Variants in DESI2 observed in about 807,000 individuals in gnomAD.
DESI2 encodes desumoylating isopeptidase 2, also known as deubiquitinase DESI2.
DESI2 carries 10 observed loss-of-function variants against 24.1 expected under a neutral mutation model. The ratio of observed to expected loss-of-function variants is 0.41; its 90% CI spans 0.26 to 0.70. The LOEUF (loss-of-function observed/expected upper bound fraction) is 0.70. Among genes scored for constraint, DESI2 ranks in the 30% least tolerant of loss-of-function variants. The probability of loss-of-function intolerance (pLI) is 0.29; values close to 1 mark genes in which losing one functional copy is unlikely to be tolerated. For synonymous variants in DESI2, 71 were observed against 87.7 expected (o/e 0.81, Z 1.06); for missense variants, 122 against 234.9 (o/e 0.52, Z 3.14).
intron 1 of DESI2, among the ~76,000 whole-genome samples, chr1:244,661,496 G>C (rs932313493): frequency 3.9e-5 from 6 of 151,964 alleles, no homozygotes; most frequent in Non-Finnish European, 7.4e-5. Context: ...TGCCGTGTTG[G>C]TGTGCTGCAC....
chr1:244,689,517 CT>C lies in DESI2; in HGVS notation c.209+185del, dbSNP rs35130686. ...TGCCTCAGGAAACTCATTTCTTTTC[CT>C]TTTTTTTTTGAGATGGAGTCTCACT... On this transcript the variant is annotated intron_variant, in intron 3 of 4. Transcript: ENST00000302550. The surrounding 1 kb of genome is among the most constrained non-coding windows in gnomAD (Gnocchi z 4.0). Among the ~76,000 whole-genome samples the C allele has an allele frequency of 1.9e-4, 29 of 148,998 alleles. No homozygotes were observed. In the East Asian group the frequency reaches 4.3e-3, roughly 22 times the overall value.
rs1333687725 is a variant in DESI2 at position 244,676,245 on chromosome 1, T to G, written c.43-10352T>G. 2.0e-5 allele frequency among the ~76,000 whole-genome samples: 3 copies of G among 151,850 alleles called. No homozygotes were observed. In the South Asian group the frequency reaches 6.2e-4, roughly 32 times the overall value. Reference sequence around the variant, plus strand: ...GTGCCTGCCACCACACCCGGCTCATTTTTTGTATTTTCAGTAGAGACAGGG... The same window carrying G: ...GTGCCTGCCACCACACCCGGCTCATGTTTTGTATTTTCAGTAGAGACAGGG... On this transcript the variant is annotated intron_variant, in intron 1 of 4. Transcript: ENST00000302550.
At chr1:244,676,870 A>G (rs1191969033) in intron 1 of DESI2, among the ~76,000 whole-genome samples, 2 of 146,820 alleles carry the variant, frequency 1.4e-5, no homozygotes, top group African/African-American at 5.0e-5. Context: ...TTCTTTGTCT[A>G]TTGGGATGAT....
chr1:244,694,057 A>C (rs1007957781), intron 4 of DESI2, among the ~76,000 whole-genome samples: 5 of 152,238 alleles, frequency 3.3e-5, no homozygotes, highest in African/African-American at 1.2e-4. Flanking sequence ...CGTATGTCAT[A>C]AGCAGTTGCA....
chr1:244,686,677 TAC>T lies in DESI2; in HGVS notation c.115+14_115+15del, dbSNP rs769333378. The T allele has an allele frequency of 1.3e-6, 2 of 1,565,338 alleles. No homozygotes were observed. Among genetic ancestry groups the T allele is most frequent in the Non-Finnish European group, 1.8e-6 (2 of 1,135,616 alleles). Reference sequence around the variant, plus strand: ...TTGAAGTCTATGGCAGAGGTACGTGTACACACAGTCTAAATATACTCTCTGAA... The same window carrying T: ...TTGAAGTCTATGGCAGAGGTACGTGTACACAGTCTAAATATACTCTCTGAA... On this transcript the variant is annotated intron_variant, in intron 2 of 4. Coordinates refer to ENST00000302550, the MANE Select transcript of DESI2 (RefSeq NM_016076.5).
intron 1 of DESI2, among the ~76,000 whole-genome samples, chr1:244,659,499 C>T (rs1315514154): frequency 1.3e-5 from 2 of 152,134 alleles, no homozygotes; most frequent in Non-Finnish European, 2.9e-5. Flanking sequence ...CCATTCCTTC[C>T]TGCTGTCAGC....
intron 1 of DESI2, among the ~76,000 whole-genome samples, chr1:244,659,282 G>A (rs1001778768): frequency 5.9e-5 from 9 of 152,090 alleles, no homozygotes; most frequent in Non-Finnish European, 1.2e-4. Flanking sequence ...GCAATAACAA[G>A]TTGCCAAAAA....
At chr1:244,685,635 G>C (rs895516138) in intron 1 of DESI2, among the ~76,000 whole-genome samples, 4 of 152,116 alleles carry the variant, frequency 2.6e-5, no homozygotes, top group South Asian at 2.1e-4. Flanking sequence ...CCAGCAATGC[G>C]TGAGAATGTG....
intron 1 of DESI2, among the ~76,000 whole-genome samples, chr1:244,654,515 G>C (rs1675579808): frequency 6.6e-6 from 1 of 152,154 alleles, no homozygotes; most frequent in African/African-American, 2.4e-5. Context: ...GAAGGGTGTA[G>C]GAACTGCCTG....
intron 4 of DESI2, among the ~76,000 whole-genome samples, chr1:244,700,100 C>T (rs1677387117): frequency 1.3e-5 from 2 of 152,216 alleles, no homozygotes; most frequent in African/African-American, 4.8e-5. Context: ...TTTTCCTCTA[C>T]ACTTTACCCC....
intron 2 of DESI2, among the ~76,000 whole-genome samples, chr1:244,688,177 A>G (rs1168393676): frequency 1.3e-5 from 2 of 152,188 alleles, no homozygotes; most frequent in Non-Finnish European, 2.9e-5. Flanking sequence ...AAATATTAAT[A>G]TATTCCTGAA....
chr1:244,668,511 A>G (rs540826804), intron 1 of DESI2, among the ~76,000 whole-genome samples: 8 of 152,238 alleles, frequency 5.3e-5, no homozygotes, highest in South Asian at 2.1e-4. Flanking sequence ...AATTCACTCA[A>G]CCTCTAACAT....
chr1:244,668,119 G>A (rs1676111662), intron 1 of DESI2, among the ~76,000 whole-genome samples: 1 of 152,200 alleles, frequency 6.6e-6, no homozygotes, highest in Non-Finnish European at 1.5e-5. Flanking sequence ...CAAGGATTGT[G>A]AATTAATCAT....
At chr1:244,683,371 G>C (rs1676689491) in intron 1 of DESI2, among the ~76,000 whole-genome samples, 1 of 151,884 alleles carries the variant, frequency 6.6e-6, no homozygotes, top group Admixed American at 6.6e-5. Context: ...GAGTGCAGTG[G>C]CGTGATCTCG....
intron 4 of DESI2, among the ~76,000 whole-genome samples, chr1:244,703,046 G>C (rs1197386488): frequency 9.2e-5 from 13 of 140,872 alleles, no homozygotes; most frequent in Non-Finnish European, 1.9e-4. Context: ...CTGTCACCCA[G>C]GCTGGAGTGC....
chr1:244,660,387 C>T lies in DESI2; in HGVS notation c.42+7032C>T, dbSNP rs371384534. 1.1e-3 allele frequency among the ~76,000 whole-genome samples: 166 copies of T among 152,296 alleles called. 2 individuals are homozygous for T. Among genetic ancestry groups the T allele is most frequent in the African/African-American group, 3.8e-3 (156 of 41,562 alleles). ...TTCACCATGTTGGCCACACTGGTCT[C>T]AGTCTCCTGACCTCATGATCCACCT... On this transcript the variant is annotated intron_variant, in intron 1 of 4. Coordinates refer to ENST00000302550, the MANE Select transcript of DESI2 (RefSeq NM_016076.5).
chr1:244,688,056 G>C (rs763381021), intron 2 of DESI2, among the ~76,000 whole-genome samples: 3 of 152,152 alleles, frequency 2.0e-5, no homozygotes, highest in Non-Finnish European at 4.4e-5. Context: ...TTGTATGCTA[G>C]TCCGTGGCTC....
rs1018234427 is a variant in DESI2 at position 244,708,715 on chromosome 1, T to G, written c.*2926T>G. ...TCTTTCTTTAAAAGATTTAGATGTT[T>G]TTTCAGCAAGCTAGCCATACAACCA... On this transcript the variant is annotated 3_prime_UTR_variant, in exon 5 of 5. Coordinates refer to ENST00000302550, the MANE Select transcript of DESI2 (RefSeq NM_016076.5). 6 of 152,660 alleles carry G rather than the reference T, an allele frequency of 3.9e-5. No individual in the cohort carries two copies. The highest frequency in any genetic ancestry group is 8.8e-5 in the Non-Finnish European group (6 of 68,056). The allele number at this position is 152,660 out of a possible 1,614,324, so 9.5% of individuals were successfully genotyped here.
Position 244,691,884 on chromosome 1 carries a change from C to T in DESI2, c.215C>T (p.Ala72Val). The T allele has an allele frequency of 2.6e-6, 4 of 1,547,732 alleles. No individual in the cohort carries two copies. Among genetic ancestry groups the T allele is most frequent in the East Asian group, 2.4e-5 (1 of 42,376 alleles). ...TTTTCTTTTTGTTCTTTAAGAGAAG[C>T]TGTTGTTTTAGGGAGCACGGACTTC... The part of the protein sequence containing the change: ...ELGETFKFKE[A>V]VVLGSTDFLE... Residue 72 changes from alanine to valine, a missense_variant, in exon 4 of 5, where the codon GCT becomes GTT. Physicochemically the swap from Ala to Val is moderately conservative, Grantham distance 64. Coordinates refer to ENST00000302550, the MANE Select transcript of DESI2 (RefSeq NM_016076.5).
Sources: allele counts gnomAD v4.1 joint callset (sites outside exome capture counted in the v4.1 genomes callset), GRCh38; gene constraint gnomAD v4.1.1; non-coding constraint Gnocchi (gnomAD v3.1); transcripts MANE v1.5; gene names NCBI Gene and HGNC (gene_info 2026-07-23, HGNC 2026-07-21).